Variants in GORAB observed in about 807,000 individuals in gnomAD.
GORAB encodes the protein RAB6-interacting golgin.
A neutral mutation model predicts 29.9 loss-of-function variants in GORAB; 17 were observed. That is an observed-to-expected ratio of 0.57 (90% CI 0.39 to 0.85). The LOEUF (loss-of-function observed/expected upper bound fraction) is 0.85, where lower values mean the gene tolerates loss of function less well. GORAB is among the 40% of genes least tolerant of loss of function. The pLI is 0.00. For synonymous variants in GORAB, 183 were observed against 157.2 expected (o/e 1.16, Z -1.23); for missense variants, 442 against 437.8 (o/e 1.01, Z -0.09).
intron 1 of GORAB, among the ~76,000 whole-genome samples, chr1:170,533,145 A>G (rs1463310810): frequency 6.6e-6 from 1 of 152,214 alleles, no homozygotes; most frequent in Non-Finnish European, 1.5e-5. Flanking sequence ...TAATTCAAAT[A>G]CTTTATTTTG....
intron 2 of GORAB, among the ~76,000 whole-genome samples, chr1:170,542,028 A>G: frequency 6.6e-6 from 1 of 152,374 alleles, no homozygotes; most frequent in African/African-American, 2.4e-5. Context: ...ATATTAATAT[A>G]TGAAATAAAC....
intron 4 of GORAB, among the ~76,000 whole-genome samples, chr1:170,550,843 A>G (rs1650057929): frequency 6.6e-6 from 1 of 152,218 alleles, no homozygotes; most frequent in African/African-American, 2.4e-5. Flanking sequence ...CTTGCAAGAG[A>G]GGAAGGACCC....
Position 170,552,003 on chromosome 1 carries a change from A to T in GORAB, c.663-12A>T. On this transcript the variant is annotated splice_polypyrimidine_tract_variant and intron_variant, in intron 4 of 4. Transcript: ENST00000367763. ...AAAACTGATGGACCTATCTTTATAC[A>T]CATCCTTACAGGAAGCGGTTTGACA... 2 of 1,610,502 alleles carry T rather than the reference A, an allele frequency of 1.2e-6. No individual in the cohort carries two copies. The highest frequency in any genetic ancestry group is 2.2e-5 in the South Asian group (2 of 90,884).
At chr1:170,534,179 A>G (rs1178390843) in intron 1 of GORAB, among the ~76,000 whole-genome samples, 1 of 152,206 alleles carries the variant, frequency 6.6e-6, no homozygotes, top group Non-Finnish European at 1.5e-5. Context: ...AAATTGTGGT[A>G]TACTCATCTA....
At chr1:170,539,830 G>T (rs551437558) in intron 2 of GORAB, among the ~76,000 whole-genome samples, 1 of 152,198 alleles carries the variant, frequency 6.6e-6, no homozygotes, top group East Asian at 1.9e-4. Flanking sequence ...TATACATGAG[G>T]TATCTGGGAC....
At position 170,539,614 on chromosome 1, in the gene GORAB, G is replaced by T. The variant is rs780849437; in HGVS notation, c.419+47G>T. 1.4e-5 allele frequency: 22 copies of T among 1,589,564 alleles called. No individual in the cohort carries two copies. The East Asian group carries it at 2.5e-4, about 18-fold the overall frequency. Reference sequence around the variant, plus strand: ...GTCCATGAGACTTTTCATTTAACCCGTTTTTTCCCAATGGGCTTTAAGGAA... The same window carrying T: ...GTCCATGAGACTTTTCATTTAACCCTTTTTTTCCCAATGGGCTTTAAGGAA... On this transcript the variant is annotated intron_variant, in intron 2 of 4. Coordinates refer to ENST00000367763, the MANE Select transcript of GORAB (RefSeq NM_152281.3).
Position 170,553,234 on chromosome 1 carries a change from C to T in GORAB, c.*772C>T. On this transcript the variant is annotated 3_prime_UTR_variant, in exon 5 of 5. Coordinates refer to ENST00000367763, the MANE Select transcript of GORAB (RefSeq NM_152281.3). Reference sequence around the variant, plus strand: ...AATAATATAGAAAATCTCATTGCTACTTGTGATTATCAAAAAAAGTATGTA... The same window carrying T: ...AATAATATAGAAAATCTCATTGCTATTTGTGATTATCAAAAAAAGTATGTA... The T allele has an allele frequency of 2.3e-6, 1 of 441,764 alleles. No individual in the cohort carries two copies. Among genetic ancestry groups the T allele is most frequent in the Non-Finnish European group, 4.5e-6 (1 of 223,116 alleles). 27.4% of individuals were successfully genotyped at this position (441,764 alleles called of 1,614,324 possible).
In GORAB at chr1:170,552,452, T is replaced by C; in HGVS notation, c.1100T>C (p.Leu367Ser). ...GAAGGTAATGACATTTCAGCTGCTT[T>C]GGCCACATGAAGTTCTGGTATTCTT... Reference protein sequence around the residue: ...NQEGNDISAALAT With the variant: ...NQEGNDISAASAT Residue 367 changes from leucine to serine, a missense_variant, in exon 5 of 5, where the codon TTG (leucine) becomes TCG (serine). Coordinates refer to ENST00000367763, the MANE Select transcript of GORAB (RefSeq NM_152281.3). 1 of 1,613,666 alleles carries C rather than the reference T, an allele frequency of 6.2e-7. No individual in the cohort carries two copies. The highest frequency in any genetic ancestry group is 8.5e-7 in the Non-Finnish European group (1 of 1,179,794).
intron 1 of GORAB, among the ~76,000 whole-genome samples, chr1:170,536,982 A>G (rs926822016): frequency 2.0e-5 from 3 of 152,214 alleles, no homozygotes; most frequent in Non-Finnish European, 4.4e-5. Context: ...TGGAGTATAT[A>G]TCACAAACTG....
In GORAB at chr1:170,552,112, A is replaced by G. The variant is rs758710628; in HGVS notation, c.760A>G (p.Thr254Ala). 1.9e-6 allele frequency: 3 copies of G among 1,614,042 alleles called. No individual in the cohort carries two copies. The highest frequency in any genetic ancestry group is 2.5e-6 in the Non-Finnish European group (3 of 1,179,990). ...IKEQLTEHLC[T>A]IIQQNELRKA... ...AGAGCAACTCACTGAACACCTTTGT[A>G]CGATCATACAGCAAAATGAGCTCCG... The change falls in exon 5 of 5, where the codon ACG becomes GCG. Residue 254 changes from threonine (T) to alanine (A), a missense_variant. By Grantham distance (58) the Thr-to-Ala change is moderately conservative (BLOSUM62 0). Transcript: ENST00000367763.
At chr1:170,544,164 T>G (rs1649610713) in intron 3 of GORAB, among the ~76,000 whole-genome samples, 1 of 152,192 alleles carries the variant, frequency 6.6e-6, no homozygotes, top group Non-Finnish European at 1.5e-5. Context: ...ATAAAGAATT[T>G]TCGTAACTAG....
intron 1 of GORAB, among the ~76,000 whole-genome samples, chr1:170,537,585 A>G (rs1055623486): frequency 6.6e-6 from 1 of 152,220 alleles, no homozygotes; most frequent in Admixed American, 6.5e-5. Flanking sequence ...GATATTTTAC[A>G]TAAAAGTCTA....
At chr1:170,537,942 A>T (rs1306175156) in intron 1 of GORAB, among the ~76,000 whole-genome samples, 1 of 152,228 alleles carries the variant, frequency 6.6e-6, no homozygotes, top group Non-Finnish European at 1.5e-5. Flanking sequence ...AAGCAGGCTA[A>T]GTGACATTTT....
At position 170,552,116 on chromosome 1, in the gene GORAB, T is replaced by C. The variant is rs777156017; in HGVS notation, c.764T>C (p.Ile255Thr). ...KEQLTEHLCT[I>T]IQQNELRKAK... ...CAACTCACTGAACACCTTTGTACGA[T>C]CATACAGCAAAATGAGCTCCGAAAG... The change falls in exon 5 of 5, where the codon ATC becomes ACC. Residue 255 changes from isoleucine to threonine, a missense_variant. Physicochemically the swap from Ile to Thr is moderately conservative, Grantham distance 89 (BLOSUM62 -1). Coordinates refer to ENST00000367763, the MANE Select transcript of GORAB (RefSeq NM_152281.3). The C allele has an allele frequency of 6.2e-7, 1 of 1,613,986 alleles. No individual in the cohort carries two copies. Among genetic ancestry groups the C allele is most frequent in the East Asian group, 2.2e-5 (1 of 44,880 alleles).
chr1:170,532,859 A>T (rs1275835402), intron 1 of GORAB, among the ~76,000 whole-genome samples: 2 of 152,258 alleles, frequency 1.3e-5, no homozygotes, highest in Non-Finnish European at 2.9e-5. Context: ...TTGAGAGGGT[A>T]GATGTGAAGA....
intron 4 of GORAB, among the ~76,000 whole-genome samples, chr1:170,549,716 T>G (rs986150052): frequency 1.3e-5 from 2 of 152,206 alleles, no homozygotes; most frequent in Non-Finnish European, 2.9e-5. Context: ...AACAATTCTT[T>G]TAACATAGAG....
At chr1:170,533,735 G>GGGT (rs754964474) in intron 1 of GORAB, 4 of 343,964 alleles carry the variant, frequency 1.2e-5, no homozygotes, top group Non-Finnish European at 2.5e-5. Context: ...TTGCAACCGG[G>GGGT]GGTAGATAGA....
At chr1:170,537,769 T>C (rs1649152066) in intron 1 of GORAB, among the ~76,000 whole-genome samples, 1 of 152,066 alleles carries the variant, frequency 6.6e-6, no homozygotes, top group Admixed American at 6.5e-5. Flanking sequence ...GGAAGCAATA[T>C]GTTCTGTGTT....
At chr1:170,551,565 C>G (rs1650104361) in intron 4 of GORAB, among the ~76,000 whole-genome samples, 1 of 152,070 alleles carries the variant, frequency 6.6e-6, no homozygotes, top group South Asian at 2.1e-4. Context: ...GCTAGCTTAC[C>G]CTGGTTCATG....
Sources: gnomAD v4.1 joint callset for allele counts (sites outside exome capture counted in the v4.1 genomes callset) on GRCh38, gnomAD v4.1.1 for gene constraint, MANE v1.5 for transcripts, NCBI Gene and HGNC (gene_info 2026-07-23, HGNC 2026-07-21) for gene names.